PCDHGB1: variants seen among roughly 807,000 people sequenced by gnomAD.
PCDHGB1 encodes the protein protocadherin gamma subfamily B, 1, also known as protocadherin gamma-B1.
PCDHGB1 carries 34 observed loss-of-function variants against 56.6 expected under a neutral mutation model. That is an observed-to-expected ratio of 0.60 (90% CI 0.46 to 0.80). PCDHGB1 has a LOEUF of 0.80. PCDHGB1 is among the 30% of genes least tolerant of loss of function. The pLI is 0.00. For synonymous variants in PCDHGB1, 561 were observed against 505.9 expected (o/e 1.11, Z -1.46); for missense variants, 1,278 against 1,204.6 (o/e 1.06, Z -0.90).
chr5:141,419,853 C>A lies in PCDHGB1; in HGVS notation c.2409+67184C>A, dbSNP rs1327953878. The A allele has an allele frequency of 1.9e-6, 3 of 1,614,072 alleles. No homozygotes were observed. In the Admixed American group the frequency reaches 5.0e-5, roughly 27 times the overall value. The stretch of plus-strand genomic sequence containing the variant: ...ACTGCCACGCTGCACCTGGTGTTCG[C>A]AGATAGCTTGCAAGAGGTACTGCCG... On this transcript the variant is annotated intron_variant, in intron 1 of 3. Transcript: ENST00000523390.
intron 1 of PCDHGB1, chr5:141,399,577 TC>T (rs1393975550): frequency 6.2e-7 from 1 of 1,613,972 alleles, no homozygotes; most frequent in Non-Finnish European, 8.5e-7. Flanking sequence ...CGGCCAAGTC[TC>T]CTACTCTATC....
chr5:141,374,030 T>G, intron 1 of PCDHGB1: 1 of 1,430,454 alleles, frequency 7.0e-7, no homozygotes. Context: ...GCAAAAGTGA[T>G]GCAGATCTGT....
chr5:141,399,896 T>G (rs1271195619), intron 1 of PCDHGB1: 2 of 1,612,518 alleles, frequency 1.2e-6, no homozygotes, highest in Non-Finnish European at 8.5e-7. Flanking sequence ...GTAGTGGCCG[T>G]GGACGCAGAC....
intron 1 of PCDHGB1, chr5:141,383,515 C>T (rs749503295): frequency 1.2e-6 from 2 of 1,612,350 alleles, no homozygotes; most frequent in South Asian, 2.2e-5. Flanking sequence ...GGAGGAAGAG[C>T]GGGTTCACCA....
Position 141,394,604 on chromosome 5 carries a change from C to T in PCDHGB1, c.2409+41935C>T, listed in dbSNP as rs1589234871. On this transcript the variant is annotated intron_variant, in intron 1 of 3. Transcript: ENST00000523390. ...CCAAGGTGGTGGCGGTGGACAGAGA[C>T]TCGGGCCAGAACGCCTGGCTGTCCT... is the stretch of plus-strand genomic sequence containing the variant. 10 of 1,613,590 alleles carry T rather than the reference C, an allele frequency of 6.2e-6. No homozygotes were observed. The East Asian group carries it at 2.0e-4, about 32-fold the overall frequency.
At position 141,410,454 on chromosome 5, in the gene PCDHGB1, C is replaced by T. The variant is rs199849689; in HGVS notation, c.2409+57785C>T. 5,103 of 1,614,034 alleles carry T rather than the reference C, an allele frequency of 3.2e-3. 16 individuals are homozygous for T. Among genetic ancestry groups the T allele is most frequent in the Non-Finnish European group, 4.0e-3 (4,661 of 1,179,898 alleles). On this transcript the variant is annotated intron_variant, in intron 1 of 3. Transcript: ENST00000523390. ...TACAGTGAGGGGACTTTGCCTTATT[C>T]TTATAATCTGTGCATTGCACATACG... is the stretch of plus-strand genomic sequence containing the variant.
At chr5:141,423,049 C>T (rs1418805817) in intron 1 of PCDHGB1, 3 of 1,614,094 alleles carry the variant, frequency 1.9e-6, no homozygotes, top group East Asian at 2.2e-5. Flanking sequence ...GCTGTCCTAT[C>T]GCCTGCTTAA....
chr5:141,419,659 C>T (rs930108720), intron 1 of PCDHGB1: 2 of 1,612,608 alleles, frequency 1.2e-6, no homozygotes, highest in East Asian at 4.5e-5. Flanking sequence ...ACTCGGGGCA[C>T]AATGCCTGGC....
At chr5:141,391,324 T>C (rs1246568740) in intron 1 of PCDHGB1, 2 of 151,644 alleles carry the variant, frequency 1.3e-5, no homozygotes, top group Non-Finnish European at 2.9e-5. Context: ...TTTCTTTTTT[T>C]TTTTTTGAGA....
At chr5:141,356,122 G>A in intron 1 of PCDHGB1, 1 of 1,613,886 alleles carries the variant, frequency 6.2e-7, no homozygotes, top group Non-Finnish European at 8.5e-7. Context: ...GGGGGGTCTA[G>A]ATTATGAGGA....
chr5:141,361,613 C>A (rs1161415348), intron 1 of PCDHGB1: 3 of 1,613,842 alleles, frequency 1.9e-6, no homozygotes, highest in Non-Finnish European at 2.5e-6. Context: ...TCCATCGTAG[C>A]GAGCGACCTG....
chr5:141,398,740 CAG>C (rs759927246), intron 1 of PCDHGB1: 11 of 1,613,746 alleles, frequency 6.8e-6, no homozygotes, highest in Non-Finnish European at 1.7e-6. Context: ...CCGGGAACAA[CAG>C]AGTTACCATC....
At chr5:141,381,294 A>C (rs1777116349) in intron 1 of PCDHGB1, among the ~76,000 whole-genome samples, 1 of 152,236 alleles carries the variant, frequency 6.6e-6, no homozygotes, top group African/African-American at 2.4e-5. Flanking sequence ...TTTATTCCAG[A>C]GCAGGTCATT....
intron 1 of PCDHGB1, chr5:141,360,927 G>A: frequency 6.2e-7 from 1 of 1,613,984 alleles, no homozygotes; most frequent in South Asian, 1.1e-5. Context: ...TGCTTCAAGT[G>A]ACAGCCACCG....
At chr5:141,355,325 G>A in intron 1 of PCDHGB1, 1 of 1,614,010 alleles carries the variant, frequency 6.2e-7, no homozygotes, top group Non-Finnish European at 8.5e-7. Flanking sequence ...CAGGAAGAAG[G>A]CTCAGTGGTG....
At chr5:141,367,424 C>A (rs1368988996) in intron 1 of PCDHGB1, 1 of 152,184 alleles carries the variant, frequency 6.6e-6, no homozygotes, top group Non-Finnish European at 1.5e-5. Context: ...GTAGTCCCAG[C>A]TACTCGGAAG....
chr5:141,455,494 T>C (rs1223531150), intron 1 of PCDHGB1, among the ~76,000 whole-genome samples: 2 of 152,214 alleles, frequency 1.3e-5, no homozygotes, highest in African/African-American at 4.8e-5. Context: ...AGGTGATGTC[T>C]GATTTGCATA....
chr5:141,509,864 A>G (rs2099878667), intron 3 of PCDHGB1, among the ~76,000 whole-genome samples: 1 of 152,262 alleles, frequency 6.6e-6, no homozygotes, highest in East Asian at 1.9e-4. Context: ...GATAAGGTCC[A>G]AGCTGCTGGT....
chr5:141,499,763 T>C (rs2099794343), intron 2 of PCDHGB1, among the ~76,000 whole-genome samples: 1 of 148,434 alleles, frequency 6.7e-6, no homozygotes, highest in African/African-American at 2.5e-5. Flanking sequence ...CTCAGCTCAC[T>C]GCAGCCTTCG....
Sources: allele counts gnomAD v4.1 joint callset (sites outside exome capture counted in the v4.1 genomes callset), GRCh38; gene constraint gnomAD v4.1.1; transcripts MANE v1.5; gene names NCBI Gene and HGNC (gene_info 2026-07-23, HGNC 2026-07-21).